CCDC158: variants seen among roughly 807,000 people sequenced by gnomAD.
The protein encoded by CCDC158 is coiled-coil domain containing 158.
In CCDC158, 116 loss-of-function variants were observed where a neutral mutation model predicts 138.6. That is an observed-to-expected ratio of 0.84 (90% CI 0.72 to 0.98). The LOEUF is 0.98. Among genes scored for constraint, CCDC158 ranks in the 50% least tolerant of loss-of-function variants. The pLI, the probability that CCDC158 is intolerant of heterozygous loss-of-function variation, is 0.00. For missense variants in CCDC158, 1,265 were observed against 1,306.1 expected (o/e 0.97, Z 0.48); for synonymous variants, 436 against 442.4 (o/e 0.99, Z 0.18).
At chr4:76,323,842 C>A (rs1012379551) in intron 23 of CCDC158, among the ~76,000 whole-genome samples, 1 of 152,254 alleles carries the variant, frequency 6.6e-6, no homozygotes, top group East Asian at 1.9e-4. Context: ...CCAGTGCCCA[C>A]GTTAGTTCTG....
In CCDC158 at chr4:76,323,327, T is replaced by C. The variant is rs763332500; in HGVS notation, c.3252A>G (p.Val1084=). 6 of 1,612,928 alleles carry C rather than the reference T, an allele frequency of 3.7e-6. No individual in the cohort carries two copies. Among genetic ancestry groups the C allele is most frequent in the Non-Finnish European group, 4.2e-6 (5 of 1,179,458 alleles). The change falls in exon 24 of 25, where the codon GTA becomes GTG. Residue 1084 remains valine (V), a synonymous_variant. Transcript: ENST00000682701. ...QNRLESLQTL[V]EDLQLKNQAM... Reference sequence around the variant, plus strand: ...CTTGGTTCTTCAGCTGTAAATCTTCTACCAGAGTTTGCAAGCTTTCTAGTC... The same window carrying C: ...CTTGGTTCTTCAGCTGTAAATCTTCCACCAGAGTTTGCAAGCTTTCTAGTC...
intron 18 of CCDC158, among the ~76,000 whole-genome samples, chr4:76,336,114 G>A (rs528119136): frequency 1.2e-4 from 18 of 144,714 alleles, no homozygotes; most frequent in East Asian, 2.1e-4. Context: ...CCCAGGAGGC[G>A]GAGCTTGCAG....
chr4:76,349,028 A>T (rs1722822022), intron 18 of CCDC158, among the ~76,000 whole-genome samples: 1 of 152,212 alleles, frequency 6.6e-6, no homozygotes, highest in Admixed American at 6.5e-5. Flanking sequence ...AAACTGTTAT[A>T]CACCAAACCA....
intron 23 of CCDC158, among the ~76,000 whole-genome samples, chr4:76,324,399 C>A (rs754990603): frequency 6.6e-6 from 1 of 152,062 alleles, no homozygotes; most frequent in East Asian, 1.9e-4. Context: ...GTTGGTTAGG[C>A]TGGTCTTGAA....
intron 2 of CCDC158, among the ~76,000 whole-genome samples, chr4:76,405,865 A>C (rs13353697): frequency 0.025 from 3,779 of 152,262 alleles, 147 homozygotes; most frequent in African/African-American, 0.086. Context: ...CTTAAATGAC[A>C]AAGAATTTTA....
intron 3 of CCDC158, among the ~76,000 whole-genome samples, chr4:76,398,803 C>G (rs1353586985): frequency 2.6e-5 from 4 of 151,756 alleles, no homozygotes; most frequent in Admixed American, 2.0e-4. Context: ...AATAACTGGT[C>G]TGAACTCTTA....
intron 18 of CCDC158, among the ~76,000 whole-genome samples, chr4:76,343,588 G>T (rs1004610041): frequency 1.3e-5 from 2 of 152,182 alleles, no homozygotes; most frequent in Non-Finnish European, 2.9e-5. Context: ...GCCGAGGCAG[G>T]CGGATCACTT....
intron 1 of CCDC158, among the ~76,000 whole-genome samples, chr4:76,419,162 T>TA (rs1187169395): frequency 6.6e-6 from 1 of 152,024 alleles, no homozygotes; most frequent in African/African-American, 2.4e-5. Context: ...GGAATACTCT[T>TA]AAAAAATTGC....
intron 4 of CCDC158, among the ~76,000 whole-genome samples, chr4:76,394,529 C>A (rs1485922748): frequency 2.0e-5 from 3 of 150,700 alleles, no homozygotes; most frequent in African/African-American, 7.3e-5. Flanking sequence ...TTAATGGGTA[C>A]AAAAAAAATA....
chr4:76,371,060 C>T (rs879837075), intron 10 of CCDC158, among the ~76,000 whole-genome samples: 4 of 152,108 alleles, frequency 2.6e-5, no homozygotes, highest in Admixed American at 1.3e-4. Context: ...TTCACCTAAC[C>T]GTCCATTCCA....
At chr4:76,418,100 C>CA (rs1213272092) in intron 1 of CCDC158, among the ~76,000 whole-genome samples, 2 of 152,252 alleles carry the variant, frequency 1.3e-5, no homozygotes, top group African/African-American at 4.8e-5. Context: ...AAACGCAACG[C>CA]AAAGCACTGG....
At chr4:76,368,696 G>C (rs1724928299) in intron 11 of CCDC158, among the ~76,000 whole-genome samples, 1 of 152,182 alleles carries the variant, frequency 6.6e-6, no homozygotes, top group Admixed American at 6.5e-5. Context: ...CTTGGGGAAA[G>C]AGAGGCAAGT....
intron 23 of CCDC158, among the ~76,000 whole-genome samples, chr4:76,325,148 T>TA (rs770188170): frequency 6.6e-6 from 1 of 152,222 alleles, no homozygotes; most frequent in Non-Finnish European, 1.5e-5. Context: ...AAAAAAGATG[T>TA]AAAAAATGTA....
At chr4:76,353,453 G>A (rs1723244597) in intron 15 of CCDC158, among the ~76,000 whole-genome samples, 172 bp from the exon 16 acceptor site, 1 of 152,024 alleles carries the variant, frequency 6.6e-6, no homozygotes, top group Non-Finnish European at 1.5e-5. Flanking sequence ...ATGTTATTAT[G>A]TACTCTCTCC....
intron 4 of CCDC158, among the ~76,000 whole-genome samples, chr4:76,388,135 C>T (rs926952106): frequency 2.0e-5 from 3 of 152,138 alleles, no homozygotes; most frequent in African/African-American, 7.2e-5. Context: ...TCCGGGGTGA[C>T]CTAGCACATT....
At chr4:76,391,993 C>A (rs1727356919) in intron 4 of CCDC158, among the ~76,000 whole-genome samples, 1 of 151,224 alleles carries the variant, frequency 6.6e-6, no homozygotes, top group South Asian at 2.1e-4. Context: ...TGAACAAGTC[C>A]CAGTAAAGAA....
At position 76,367,547 on chromosome 4, in the gene CCDC158, A is replaced by G; in HGVS notation, c.1577T>C (p.Val526Ala). The G allele has an allele frequency of 6.2e-7, 1 of 1,614,090 alleles. No homozygotes were observed. The highest frequency in any genetic ancestry group is 8.5e-7 in the Non-Finnish European group (1 of 1,180,018). The change falls in exon 12 of 25, where the codon GTG becomes GCG. Residue 526 changes from valine (V) to alanine (A), a missense_variant. Physicochemically the swap from Val to Ala is moderately conservative, Grantham distance 64. Coordinates refer to ENST00000682701, the MANE Select transcript of CCDC158 (RefSeq NM_001394954.1). ...TTGCAGCTCCTGCAATTTCAAGTCC[A>G]CCCGGGAGCGGAGCTTTGTGATCTC... Reference protein sequence around the residue: ...NAEITKLRSRVDLKLQELQHL... With the variant: ...NAEITKLRSRADLKLQELQHL...
intron 18 of CCDC158, chr4:76,345,579 A>G: frequency 9.3e-7 from 1 of 1,074,474 alleles, no homozygotes; most frequent in Non-Finnish European, 1.5e-6. Context: ...TGACTTGTTC[A>G]AGAATAACTG....
chr4:76,388,776 C>G (rs911977279), intron 4 of CCDC158, among the ~76,000 whole-genome samples: 9 of 152,096 alleles, frequency 5.9e-5, no homozygotes, highest in Non-Finnish European at 1.0e-4. Context: ...ACCACACCCC[C>G]AGTTCCACGT....
Sources: allele counts gnomAD v4.1 joint callset (sites outside exome capture counted in the v4.1 genomes callset), GRCh38; gene constraint gnomAD v4.1.1; transcripts MANE v1.5; gene names NCBI Gene and HGNC (gene_info 2026-07-23, HGNC 2026-07-21).